Variants in THSD7B observed in about 807,000 individuals in gnomAD.
THSD7B encodes the protein thrombospondin type 1 domain containing 7B, also known as thrombospondin type-1 domain-containing protein 7B.
THSD7B carries 138 observed loss-of-function variants against 213.6 expected under a neutral mutation model. The observed-to-expected ratio is 0.65, with a 90% CI of 0.56 to 0.74. The LOEUF is 0.74. Among genes scored for constraint, THSD7B ranks in the 30% least tolerant of loss-of-function variants. THSD7B has a pLI of 0.00. For missense variants in THSD7B, 1,931 were observed against 1,991.5 expected (o/e 0.97, Z 0.58); for synonymous variants, 742 against 687.0 (o/e 1.08, Z -1.25).
At chr2:137,015,644 G>A (rs1231328744) in intron 2 of THSD7B, among the ~76,000 whole-genome samples, 1 of 152,074 alleles carries the variant, frequency 6.6e-6, no homozygotes, top group Admixed American at 6.6e-5. Flanking sequence ...TGTCTTCCTG[G>A]TGCAGCTGGT....
At chr2:137,477,598 G>T (rs1423769757) in intron 15 of THSD7B, among the ~76,000 whole-genome samples, 2 of 150,898 alleles carry the variant, frequency 1.3e-5, no homozygotes, top group Non-Finnish European at 3.0e-5. Flanking sequence ...TTTCGTCTTT[G>T]TTCCTTTCCC....
intron 2 of THSD7B, among the ~76,000 whole-genome samples, chr2:137,048,047 A>G (rs1033780702): frequency 6.6e-6 from 1 of 151,928 alleles, no homozygotes; most frequent in Admixed American, 6.6e-5. Flanking sequence ...TCCTAATGCT[A>G]TCCCTCCCCT....
intron 15 of THSD7B, among the ~76,000 whole-genome samples, chr2:137,466,519 A>G (rs1687993979): frequency 6.6e-6 from 1 of 151,908 alleles, no homozygotes; most frequent in Non-Finnish European, 1.5e-5. Context: ...TTAGCTTATC[A>G]GCTATCATTA....
intron 15 of THSD7B, among the ~76,000 whole-genome samples, chr2:137,520,582 A>G (rs1680166600): frequency 1.3e-5 from 2 of 152,232 alleles, no homozygotes; most frequent in South Asian, 4.1e-4. Flanking sequence ...AATGCTGGAT[A>G]TATTTTATGT....
chr2:137,585,651 G>A (rs913313060), intron 17 of THSD7B, among the ~76,000 whole-genome samples: 6 of 152,108 alleles, frequency 3.9e-5, no homozygotes, highest in Non-Finnish European at 7.4e-5. Flanking sequence ...GAGTGGTTTT[G>A]AGTGAGTTTC....
At position 137,266,135 on chromosome 2, in the gene THSD7B, C is replaced by A. The variant is rs190910011; in HGVS notation, c.2267-6398C>A. ...TGAAACTTCTTCTATTTTTTAAAAT[C>A]TTTCTTTTCTTTCTTGAACTGACGT... On this transcript the variant is annotated intron_variant, in intron 10 of 27. Coordinates refer to ENST00000409968, the MANE Select transcript of THSD7B (RefSeq NM_001316349.2). Among the ~76,000 whole-genome samples the A allele has an allele frequency of 1.2e-3, 179 of 152,200 alleles. 1 individual carries two copies. The highest frequency in any genetic ancestry group is 7.5e-4 in the Non-Finnish European group (51 of 67,990).
intron 10 of THSD7B, among the ~76,000 whole-genome samples, chr2:137,256,212 T>C (rs1573915163): frequency 6.6e-6 from 1 of 152,198 alleles, no homozygotes; most frequent in African/African-American, 2.4e-5. Context: ...GTAAACCTTT[T>C]TCTAGGGCTT....
intron 2 of THSD7B, among the ~76,000 whole-genome samples, chr2:137,038,021 C>T (rs1454648796): frequency 1.3e-5 from 2 of 152,056 alleles, no homozygotes; most frequent in Non-Finnish European, 2.9e-5. Flanking sequence ...TTTGGAGAAT[C>T]AGATAATTAT....
chr2:137,670,717 C>G (rs180860954), intron 27 of THSD7B, among the ~76,000 whole-genome samples: 90 of 152,062 alleles, frequency 5.9e-4, no homozygotes, highest in African/African-American at 1.9e-3. Context: ...GTCAGGAGAT[C>G]GAGACCATCC....
chr2:137,311,466 C>A (rs1033490399), intron 12 of THSD7B, among the ~76,000 whole-genome samples: 6 of 152,128 alleles, frequency 3.9e-5, no homozygotes, highest in African/African-American at 1.4e-4. Context: ...GACAATTTGA[C>A]TTCCTCTTTT....
chr2:137,059,392 A>G (rs1056721647), intron 3 of THSD7B, among the ~76,000 whole-genome samples: 2 of 152,154 alleles, frequency 1.3e-5, no homozygotes, highest in African/African-American at 2.4e-5. Context: ...AATAAAGACT[A>G]TAGTTTACAT....
chr2:136,848,600 A>G (rs1483920129), intron 1 of THSD7B, among the ~76,000 whole-genome samples: 3 of 152,158 alleles, frequency 2.0e-5, no homozygotes, highest in Non-Finnish European at 4.4e-5. Flanking sequence ...GATTTCCTGA[A>G]TATATTTGTG....
At chr2:137,290,974 T>C (rs941083480) in intron 12 of THSD7B, among the ~76,000 whole-genome samples, 7 of 152,146 alleles carry the variant, frequency 4.6e-5, no homozygotes, top group African/African-American at 1.7e-4. Flanking sequence ...AGGTCATCTG[T>C]GTAGAGTCAC....
At chr2:136,854,562 C>T (rs373060204) in intron 1 of THSD7B, among the ~76,000 whole-genome samples, 38 of 152,036 alleles carry the variant, frequency 2.5e-4, no homozygotes, top group African/African-American at 8.4e-4. Flanking sequence ...AGCACCATGG[C>T]CTTAGCACAG....
At chr2:137,633,517 G>T (rs901818779) in intron 20 of THSD7B, among the ~76,000 whole-genome samples, 2 of 152,100 alleles carry the variant, frequency 1.3e-5, no homozygotes, top group African/African-American at 4.8e-5. Flanking sequence ...CCTAAGATAT[G>T]GATTAGATGA....
intron 1 of THSD7B, among the ~76,000 whole-genome samples, chr2:136,772,874 A>C (rs1681533344): frequency 1.3e-5 from 2 of 152,108 alleles, no homozygotes; most frequent in Non-Finnish European, 2.9e-5. Context: ...CTTGACATGA[A>C]CTTTCATGGA....
At chr2:137,305,663 A>G (rs974865887) in intron 12 of THSD7B, among the ~76,000 whole-genome samples, 1 of 152,146 alleles carries the variant, frequency 6.6e-6, no homozygotes, top group African/African-American at 2.4e-5. Flanking sequence ...CCAAAGTCCT[A>G]CTACCTTCCT....
intron 1 of THSD7B, among the ~76,000 whole-genome samples, chr2:136,788,890 C>T (rs892320064): frequency 6.6e-6 from 1 of 152,082 alleles, no homozygotes; most frequent in African/African-American, 2.4e-5. Flanking sequence ...TTGTTATTTT[C>T]AGCAGATCAT....
intron 15 of THSD7B, chr2:137,479,547 G>A: frequency 3.0e-6 from 1 of 330,302 alleles, no homozygotes; most frequent in Non-Finnish European, 6.1e-6. Flanking sequence ...TAGGCAGGTG[G>A]CTGGGGACCA....
Sources: allele counts gnomAD v4.1 joint callset (sites outside exome capture counted in the v4.1 genomes callset), GRCh38; gene constraint gnomAD v4.1.1; transcripts MANE v1.5; gene names NCBI Gene and HGNC (gene_info 2026-07-23, HGNC 2026-07-21).